The following RFX2 variants were observed in gnomAD, a reference collection of about 807,000 sequenced individuals.
RFX2 encodes the protein regulatory factor X2, also known as DNA-binding protein RFX2.
A neutral mutation model predicts 87.8 loss-of-function variants in RFX2; 20 were observed. The ratio of observed to expected loss-of-function variants is 0.23; its 90% CI spans 0.16 to 0.33. RFX2 has a LOEUF of 0.33. RFX2 is among the 10% of genes least tolerant of loss of function. The pLI is 1.00. For missense variants in RFX2, 767 were observed against 1,012.3 expected (o/e 0.76, Z 3.29); for synonymous variants, 397 against 431.3 (o/e 0.92, Z 0.98).
intron 1 of RFX2, among the ~76,000 whole-genome samples, chr19:6,092,450 G>C (rs1044144761): frequency 6.6e-6 from 1 of 152,160 alleles, no homozygotes; most frequent in African/African-American, 2.4e-5. Context: ...CGAGTGCTCT[G>C]CTGGAGAATA....
chr19:6,087,749 C>A lies in RFX2; in HGVS notation c.-9+22644G>T, dbSNP rs1242420128. Among the ~76,000 whole-genome samples, 3 of 152,182 alleles carry A rather than the reference C, an allele frequency of 2.0e-5. No individual in the cohort carries two copies. In the East Asian group the frequency reaches 5.8e-4, roughly 29 times the overall value. On this transcript the variant is annotated intron_variant, in intron 1 of 17. Coordinates refer to ENST00000303657, the MANE Select transcript of RFX2 (RefSeq NM_000635.4). ...TGATTTGGAGGTTTCAGCTCCAAAT[C>A]AAAGGGCTGATATCATGGAAATAGC... is the stretch of plus-strand genomic sequence containing the variant.
At chr19:6,087,788 A>G (rs1026024830) in intron 1 of RFX2, among the ~76,000 whole-genome samples, 1 of 152,214 alleles carries the variant, frequency 6.6e-6, no homozygotes, top group African/African-American at 2.4e-5. Flanking sequence ...TTTGACAGCT[A>G]AACAGAAATT....
chr19:6,074,468 C>T lies in RFX2; in HGVS notation c.-8-26964G>A, dbSNP rs1258686627. Among the ~76,000 whole-genome samples, 1 of 152,174 alleles carries T rather than the reference C, an allele frequency of 6.6e-6. No homozygotes were observed. Among genetic ancestry groups the T allele is most frequent in the Non-Finnish European group, 1.5e-5 (1 of 68,026 alleles). Reference sequence around the variant, plus strand: ...TTGAAGGGTGCCCATAACACACTCCCTCAGAGCCTGGACACTCAGCCATCG... The same window carrying T: ...TTGAAGGGTGCCCATAACACACTCCTTCAGAGCCTGGACACTCAGCCATCG... On this transcript the variant is annotated intron_variant, in intron 1 of 17. Coordinates refer to ENST00000303657, the MANE Select transcript of RFX2 (RefSeq NM_000635.4). This position sits in a 1 kb window ranked among gnomAD's most constrained non-coding sequence, Gnocchi z 5.2.
intron 1 of RFX2, among the ~76,000 whole-genome samples, chr19:6,086,227 G>A (rs901612030): frequency 6.6e-6 from 1 of 152,048 alleles, no homozygotes; most frequent in Non-Finnish European, 1.5e-5. Flanking sequence ...CCTTGCAGGA[G>A]TAAAATACGG....
chr19:6,005,501 C>T lies in RFX2; in HGVS notation c.1403-1203G>A, dbSNP rs533033664. Among the ~76,000 whole-genome samples, 93 of 152,328 alleles carry T rather than the reference C, an allele frequency of 6.1e-4. 1 individual carries two copies. In the South Asian group the frequency reaches 7.2e-3, roughly 12 times the overall value. ...TGGGGAGCTTGGCACGGGCCTGGCC[C>T]GAGGGCTCCCTCGTGGTGGGTGCTG... On this transcript the variant is annotated intron_variant, in intron 12 of 17. Coordinates refer to ENST00000303657, the MANE Select transcript of RFX2 (RefSeq NM_000635.4).
At position 6,007,981 on chromosome 19, in the gene RFX2, A is replaced by G. The variant is rs1203954218; in HGVS notation, c.1134+125T>C. The G allele has an allele frequency of 2.4e-6, 2 of 818,854 alleles. No individual in the cohort carries two copies. The highest frequency in any genetic ancestry group is 2.0e-5 in the Admixed American group (1 of 49,538). 50.7% of individuals were successfully genotyped at this position (818,854 alleles called of 1,614,324 possible). On this transcript the variant is annotated intron_variant, in intron 10 of 17. Transcript: ENST00000303657. The surrounding 1 kb of genome is among the most constrained non-coding windows in gnomAD (Gnocchi z 8.2). Reference sequence around the variant, plus strand: ...GGATGCGGAGGGGCTGCTGCTTCAGAGAGGATGCTTGTTGGGGGGCTCGGG... The same window carrying G: ...GGATGCGGAGGGGCTGCTGCTTCAGGGAGGATGCTTGTTGGGGGGCTCGGG...
At position 5,999,472 on chromosome 19, in the gene RFX2, G is replaced by A. The variant is rs12984568; in HGVS notation, c.1860-2259C>T. The stretch of plus-strand genomic sequence containing the variant: ...TGGAGACTGGCATCGGCATCCCTAC[G>A]CTGTCTCTTCCCTTGCTCTTCCTCC... On this transcript the variant is annotated intron_variant, in intron 15 of 17. Transcript: ENST00000303657. This position sits in a 1 kb window ranked among gnomAD's most constrained non-coding sequence, Gnocchi z 4.1. Among the ~76,000 whole-genome samples, 20,177 of 151,950 alleles carry A rather than the reference G, an allele frequency of 0.13. 1,767 individuals carry two copies. Among genetic ancestry groups the A allele is most frequent in the Non-Finnish European group, 0.19 (12,906 of 67,946 alleles).
At position 6,022,610 on chromosome 19, in the gene RFX2, ATGTTTC is replaced by A. The variant is rs1309333515; in HGVS notation, c.597+3547_597+3552del. 1.3e-5 allele frequency among the ~76,000 whole-genome samples: 2 copies of A among 152,172 alleles called. No homozygotes were observed. The highest frequency in any genetic ancestry group is 4.1e-4 in the South Asian group (2 of 4,832). Reference sequence around the variant, plus strand: ...CTGCCACACCCGGTCGGGTGAAGACATGTTTCATCCCCAGCCCCGGCTCCGTCCCCT... The same window carrying A: ...CTGCCACACCCGGTCGGGTGAAGACAATCCCCAGCCCCGGCTCCGTCCCCT... On this transcript the variant is annotated intron_variant, in intron 6 of 17. Coordinates refer to ENST00000303657, the MANE Select transcript of RFX2 (RefSeq NM_000635.4). The surrounding 1 kb of genome is among the most constrained non-coding windows in gnomAD (Gnocchi z 6.2).
At chr19:6,090,179 G>A (rs948586012) in intron 1 of RFX2, among the ~76,000 whole-genome samples, 9 of 151,926 alleles carry the variant, frequency 5.9e-5, no homozygotes, top group African/African-American at 2.2e-4. Context: ...TGTTGCCCAG[G>A]CTGGTCTTGA....
In RFX2 at chr19:6,010,124, CG is replaced by C; in HGVS notation, c.1015+11del. ...TGGGAGCCCCGCCCCCGGGCCTGACCGGGCCTCTCACCTATGTACTGCTGGT... is the reference window on the plus strand; with the variant it reads ...TGGGAGCCCCGCCCCCGGGCCTGACCGGCCTCTCACCTATGTACTGCTGGT... On this transcript the variant is annotated intron_variant, in intron 9 of 17. Coordinates refer to ENST00000303657, the MANE Select transcript of RFX2 (RefSeq NM_000635.4). This position sits in a 1 kb window ranked among gnomAD's most constrained non-coding sequence, Gnocchi z 5.0. 6.6e-7 allele frequency: 1 copy of C among 1,518,544 alleles called. No homozygotes were observed. The highest frequency in any genetic ancestry group is 8.9e-7 in the Non-Finnish European group (1 of 1,120,648). The allele number at this position is 1,518,544 out of a possible 1,614,324, so 94.1% of individuals were successfully genotyped here. A position where few individuals can be genotyped will look rare whatever the true frequency, so the allele number is the denominator to read the frequency against.
At position 6,002,727 on chromosome 19, in the gene RFX2, G is replaced by A. The variant is rs35016808; in HGVS notation, c.1644C>T (p.Asn548=). 3.7e-5 allele frequency: 59 copies of A among 1,613,472 alleles called. No individual in the cohort carries two copies. The African/African-American group carries it at 4.3e-4, about 12-fold the overall frequency. Residue 548 remains asparagine (N), a synonymous_variant, in exon 14 of 18, where the codon AAC becomes AAT. Transcript: ENST00000303657. This position sits in a 1 kb window ranked among gnomAD's most constrained non-coding sequence, Gnocchi z 6.7. ...ACGGTGTGGAGGAAGTCACCTGCAC[G>A]TTGGCAAAGTCCACGCGGTTGAGGT... ...LSDLNRVDFA[N]VQEQASWVCQ...
intron 3 of RFX2, among the ~76,000 whole-genome samples, chr19:6,043,741 G>A (rs2087145819): frequency 1.3e-5 from 2 of 152,342 alleles, no homozygotes; most frequent in Middle Eastern, 3.4e-3. Flanking sequence ...CCAAGCTGAT[G>A]ATCTGTGTTG....
intron 1 of RFX2, among the ~76,000 whole-genome samples, chr19:6,051,911 T>C (rs2087270159): frequency 6.6e-6 from 1 of 152,158 alleles, no homozygotes; most frequent in Non-Finnish European, 1.5e-5. Flanking sequence ...GGAGTCTCGC[T>C]CTGTTGCCCA....
At chr19:6,079,783 G>C (rs2087751170) in intron 1 of RFX2, among the ~76,000 whole-genome samples, 1 of 151,880 alleles carries the variant, frequency 6.6e-6, no homozygotes, top group African/African-American at 2.4e-5. Flanking sequence ...CTACTTGGGA[G>C]GCCGATGCAG....
rs778627199 is a variant in RFX2, at chr19:6,024,449, G to A, written c.597+1714C>T. Among the ~76,000 whole-genome samples, 3 of 152,164 alleles carry A rather than the reference G, an allele frequency of 2.0e-5. No individual in the cohort carries two copies. The highest frequency in any genetic ancestry group is 7.2e-5 in the African/African-American group (3 of 41,436). ...GGGGCACTGAGCAGGGGTCTGGCATGGTGTTTGTTTTGTTTTGTCTTTTTT... is the reference window on the plus strand; with the variant it reads ...GGGGCACTGAGCAGGGGTCTGGCATAGTGTTTGTTTTGTTTTGTCTTTTTT... On this transcript the variant is annotated intron_variant, in intron 6 of 17. Transcript: ENST00000303657. This position sits in a 1 kb window ranked among gnomAD's most constrained non-coding sequence, Gnocchi z 5.0.
rs980990249 is a variant in RFX2, at chr19:5,998,816, C to T, written c.1860-1603G>A. ...GCTCCCAGAGAGTAGGAGCATCGGCCGACCACCACCAAGGGAGGCCCAGCC... is the reference window on the plus strand; with the variant it reads ...GCTCCCAGAGAGTAGGAGCATCGGCTGACCACCACCAAGGGAGGCCCAGCC... On this transcript the variant is annotated intron_variant, in intron 15 of 17. Transcript: ENST00000303657. This position sits in a 1 kb window ranked among gnomAD's most constrained non-coding sequence, Gnocchi z 4.2. 2.6e-5 allele frequency among the ~76,000 whole-genome samples: 4 copies of T among 152,192 alleles called. No homozygotes were observed. The highest frequency in any genetic ancestry group is 4.4e-5 in the Non-Finnish European group (3 of 68,028).
chr19:6,083,054 G>A lies in RFX2; in HGVS notation c.-9+27339C>T, dbSNP rs1046714968. On this transcript the variant is annotated intron_variant, in intron 1 of 17. Transcript: ENST00000303657. This position sits in a 1 kb window ranked among gnomAD's most constrained non-coding sequence, Gnocchi z 4.6. ...CCCTGGGCTCAGGGAGTACGGGCAC[G>A]TGCCACTACCCCCAGCTAATTTTTG... Among the ~76,000 whole-genome samples, 3 of 151,974 alleles carry A rather than the reference G, an allele frequency of 2.0e-5. No individual in the cohort carries two copies. Among genetic ancestry groups the A allele is most frequent in the Non-Finnish European group, 4.4e-5 (3 of 67,984 alleles).
rs908170902 is a variant in RFX2, at chr19:6,039,894, G to A, written c.522+86C>T. 4.4e-5 allele frequency: 63 copies of A among 1,422,326 alleles called. No individual in the cohort carries two copies. Among genetic ancestry groups the A allele is most frequent in the Admixed American group, 5.0e-5 (2 of 40,214 alleles). 88.1% of individuals were successfully genotyped at this position (1,422,326 alleles called of 1,614,324 possible). A position where few individuals can be genotyped will look rare whatever the true frequency, so the allele number is the denominator to read the frequency against. On this transcript the variant is annotated intron_variant, in intron 5 of 17. Transcript: ENST00000303657. The surrounding 1 kb of genome is among the most constrained non-coding windows in gnomAD (Gnocchi z 5.2). ...CAGACGACAGCCCCTCCGGGCCTCC[G>A]GCTGCCTCTTACTCACCATCCCTGC...
At position 6,013,331 on chromosome 19, in the gene RFX2, G is replaced by A. The variant is rs935445209; in HGVS notation, c.780-226C>T. Among the ~76,000 whole-genome samples, 4 of 151,776 alleles carry A rather than the reference G, an allele frequency of 2.6e-5. No individual in the cohort carries two copies. The highest frequency in any genetic ancestry group is 4.8e-5 in the African/African-American group (2 of 41,324). ...CTCCCAAGTAGCTGGGATGACAGGC[G>A]TGAGCCATAATGCCTAGCTTATTTT... On this transcript the variant is annotated intron_variant, in intron 7 of 17. Coordinates refer to ENST00000303657, the MANE Select transcript of RFX2 (RefSeq NM_000635.4). This position sits in a 1 kb window ranked among gnomAD's most constrained non-coding sequence, Gnocchi z 4.1.
Sources: allele counts gnomAD v4.1 joint callset (sites outside exome capture counted in the v4.1 genomes callset), GRCh38; gene constraint gnomAD v4.1.1; non-coding constraint Gnocchi (gnomAD v3.1); transcripts MANE v1.5; gene names NCBI Gene and HGNC (gene_info 2026-07-23, HGNC 2026-07-21).